Variants in CCND3 observed in about 807,000 individuals in gnomAD.
CCND3 encodes the protein cyclin D3, also known as G1/S-specific cyclin-D3.
Under a neutral mutation model 28.7 loss-of-function variants are expected in CCND3, and 9 were observed. That is an observed-to-expected ratio of 0.31 (90% confidence interval 0.19 to 0.55). The LOEUF (loss-of-function observed/expected upper bound fraction) is 0.55. CCND3 is among the 20% of genes least tolerant of loss of function. The probability of loss-of-function intolerance (pLI) is 0.93; values close to 1 mark genes in which losing one functional copy is unlikely to be tolerated. For synonymous variants in CCND3, 164 were observed against 163.9 expected, an observed-to-expected ratio of 1.00 and a Z score of 0.00; for missense variants, 315 against 385.8, an observed-to-expected ratio of 0.82 and a Z score of 1.54.
chr6:41,988,143 C>G (rs892562304), intron 1 of CCND3, among the ~76,000 whole-genome samples: 5 of 151,910 alleles, frequency 3.3e-5, no homozygotes, highest in Admixed American at 1.3e-4. Flanking sequence ...TGGAGAAACC[C>G]TGTCTCTACT....
intron 1 of CCND3, among the ~76,000 whole-genome samples, chr6:41,952,831 T>TGTGTGTGTGA (rs1433582213): frequency 2.0e-5 from 3 of 151,980 alleles, no homozygotes; most frequent in Admixed American, 2.0e-4. Context: ...TGTGTGTGTG[T>TGTGTGTGTGA]GACATGAAAC....
chr6:42,043,988 G>A (rs959581062), intron 1 of CCND3, among the ~76,000 whole-genome samples: 2 of 152,216 alleles, frequency 1.3e-5, no homozygotes, highest in African/African-American at 2.4e-5. Flanking sequence ...CAGGTGTCAT[G>A]CCCTCTGAAG....
At chr6:41,954,377 C>A (rs182958560) in intron 1 of CCND3, among the ~76,000 whole-genome samples, 1 of 151,128 alleles carries the variant, frequency 6.6e-6, no homozygotes, top group East Asian at 1.9e-4. Flanking sequence ...TGGTGAAACC[C>A]CATCTCTACT....
At chr6:41,989,127 C>T (rs575034972) in intron 1 of CCND3, among the ~76,000 whole-genome samples, 49 of 149,316 alleles carry the variant, frequency 3.3e-4, no homozygotes, top group African/African-American at 1.1e-3. Context: ...GATTGTTATT[C>T]GCAATATGCA....
At chr6:42,029,989 T>C (rs1009359187) in intron 1 of CCND3, 4 of 152,430 alleles carry the variant, frequency 2.6e-5, no homozygotes, top group Middle Eastern at 3.4e-3. Context: ...ATGTCCAATG[T>C]ACCTGAGGCA....
rs572984466 is a variant in CCND3, at chr6:41,989,619, A to C, written c.-45-49034T>G. On this transcript the variant is annotated intron_variant, in intron 1 of 4. Coordinates refer to the CCND3 transcript ENST00000372988. Reference sequence around the variant, plus strand: ...CATTAGAAAATTGCAAATTAAAACAATAATGATGTACCACTATGCACCTAT... The same window carrying C: ...CATTAGAAAATTGCAAATTAAAACACTAATGATGTACCACTATGCACCTAT... 2.6e-5 allele frequency among the ~76,000 whole-genome samples: 4 copies of C among 152,268 alleles called. No homozygotes were observed. The East Asian group carries it at 7.7e-4, about 29-fold the overall frequency.
intron 1 of CCND3, among the ~76,000 whole-genome samples, chr6:41,994,026 CA>C (rs1419489153): frequency 6.8e-6 from 1 of 147,714 alleles, no homozygotes; most frequent in East Asian, 2.0e-4. Flanking sequence ...TGAAGAATGC[CA>C]ATCTGAAAAA....
At chr6:42,036,403 A>ATATATATATATATTT (rs57619585) in intron 1 of CCND3, among the ~76,000 whole-genome samples, 3 of 31,320 alleles carry the variant, frequency 9.6e-5, no homozygotes, top group African/African-American at 4.3e-4. Context: ...ATATATATAT[A>ATATATATATATATTT]TTTTTTTTTT....
Position 41,941,440 on chromosome 6 carries a change from T to G in CCND3, c.198+12A>C, listed in dbSNP as rs2127395014. ...GGGAGCGGTGGGGGAGGGGGACGCG[T>G]CCGGGCGGTACCTCCAGCATCCAGT... On this transcript the variant is annotated intron_variant, in intron 1 of 4. Coordinates refer to ENST00000372991, the MANE Select transcript of CCND3 (RefSeq NM_001760.5). The surrounding 1 kb of genome is among the most constrained non-coding windows in gnomAD (Gnocchi z 6.1). 6.2e-7 allele frequency: 1 copy of G among 1,606,964 alleles called. No individual in the cohort carries two copies.
At chr6:41,995,623 T>C (rs1430953884) in intron 1 of CCND3, among the ~76,000 whole-genome samples, 1 of 152,108 alleles carries the variant, frequency 6.6e-6, no homozygotes, top group African/African-American at 2.4e-5. Flanking sequence ...ATTGTATAAA[T>C]GGAATGATAA....
chr6:42,015,166 A>C (rs1421249620), intron 1 of CCND3, among the ~76,000 whole-genome samples: 1 of 152,218 alleles, frequency 6.6e-6, no homozygotes, highest in African/African-American at 2.4e-5. Context: ...TCATACATCT[A>C]GCATGAATCT....
intron 1 of CCND3, among the ~76,000 whole-genome samples, chr6:42,023,373 T>G (rs1331137379): frequency 6.6e-6 from 1 of 152,254 alleles, no homozygotes; most frequent in African/African-American, 2.4e-5. Flanking sequence ...TGTTTGGGCA[T>G]GAAGTATCGT....
In CCND3 at chr6:41,974,792, C is replaced by CTTTTTT. The variant is rs762947208; in HGVS notation, c.-45-34213_-45-34208dup. On this transcript the variant is annotated intron_variant, in intron 1 of 4. Transcript: ENST00000372988. ...GCCTAACTGTCAATTCCCCACAGTT[C>CTTTTTT]TTTTTTTTTTTTTTTTTTGAGACGG... Among the ~76,000 whole-genome samples, 4 of 125,856 alleles carry CTTTTTT rather than the reference C, an allele frequency of 3.2e-5. 1 individual carries two copies. The highest frequency in any genetic ancestry group is 2.5e-4 in the South Asian group (1 of 4,050). 82.6% of individuals were successfully genotyped at this position (125,856 alleles called of 152,430 possible).
At chr6:41,978,181 T>C (rs1762234796) in intron 1 of CCND3, among the ~76,000 whole-genome samples, 1 of 151,676 alleles carries the variant, frequency 6.6e-6, no homozygotes, top group Non-Finnish European at 1.5e-5. Context: ...GAGACCATCC[T>C]GGCTACCATG....
At chr6:42,023,203 T>A (rs4714551) in intron 1 of CCND3, among the ~76,000 whole-genome samples, 118,017 of 152,180 alleles carry the variant, frequency 0.78, 45,914 homozygotes, top group East Asian at 0.93. Flanking sequence ...CAAGTGTCCT[T>A]GTCACAGTCT....
chr6:41,937,671 G>A (rs1457931863), intron 2 of CCND3: 5 of 467,338 alleles, frequency 1.1e-5, no homozygotes, highest in Non-Finnish European at 2.0e-5. Context: ...TGTTTAAGGG[G>A]CCAATAATCC....
At chr6:41,985,554 A>C (rs1762462248) in intron 1 of CCND3, among the ~76,000 whole-genome samples, 2 of 150,398 alleles carry the variant, frequency 1.3e-5, no homozygotes, top group Admixed American at 6.7e-5. Flanking sequence ...ACCTTAGGTA[A>C]TCCACCCGCC....
At chr6:42,003,493 C>T (rs1763075548) in intron 1 of CCND3, among the ~76,000 whole-genome samples, 1 of 120,904 alleles carries the variant, frequency 8.3e-6, no homozygotes, top group African/African-American at 3.3e-5. Flanking sequence ...CCATTGCACT[C>T]CAGCCTGGGC....
At chr6:41,966,124 G>C (rs1302107360) in intron 1 of CCND3, among the ~76,000 whole-genome samples, 5 of 152,284 alleles carry the variant, frequency 3.3e-5, no homozygotes, top group East Asian at 3.9e-4. Flanking sequence ...ATGAGAATAA[G>C]AGAAAATACC....
Sources: allele counts gnomAD v4.1 joint callset (sites outside exome capture counted in the v4.1 genomes callset), GRCh38; gene constraint gnomAD v4.1.1; non-coding constraint Gnocchi (gnomAD v3.1); transcripts MANE v1.5; gene names NCBI Gene and HGNC (gene_info 2026-07-23, HGNC 2026-07-21).